WWOX: variants seen among roughly 807,000 people sequenced by gnomAD.
The protein encoded by WWOX is WW domain containing oxidoreductase.
A neutral mutation model predicts 46.2 loss-of-function variants in WWOX; 69 were observed. The observed-to-expected ratio is 1.49, with a 90% CI of 1.23 to 1.82. The LOEUF (loss-of-function observed/expected upper bound fraction) is 1.82. WWOX is among the 40% of genes most tolerant of loss of function. WWOX has a pLI of 0.00. For missense variants in WWOX, 919 were observed against 542.6 expected, an observed-to-expected ratio of 1.69 and a Z score of -6.89; for synonymous variants, 359 against 202.6, an observed-to-expected ratio of 1.77 and a Z score of -6.56.
chr16:78,747,688 A>G (rs957281731), intron 8 of WWOX, among the ~76,000 whole-genome samples: 2 of 152,016 alleles, frequency 1.3e-5, no homozygotes, highest in South Asian at 2.1e-4. Context: ...TATGTATACA[A>G]TTGTTTCCTC....
intron 8 of WWOX, among the ~76,000 whole-genome samples, chr16:78,737,380 G>A (rs1411905754): frequency 4.6e-5 from 7 of 151,666 alleles, no homozygotes; most frequent in Admixed American, 2.6e-4. Context: ...AGAATGATCC[G>A]CCTGCCTCAG....
chr16:78,361,309 C>G (rs1262400269), intron 5 of WWOX, among the ~76,000 whole-genome samples: 1 of 152,126 alleles, frequency 6.6e-6, no homozygotes, highest in African/African-American at 2.4e-5. Context: ...TCTGTCTCAT[C>G]CCTGGTAATG....
chr16:78,782,085 G>C (rs771471463), intron 8 of WWOX, among the ~76,000 whole-genome samples: 119 of 152,256 alleles, frequency 7.8e-4, no homozygotes, highest in African/African-American at 2.7e-3. Context: ...GGGAGAAATA[G>C]ATGAAGCTGT....
At chr16:78,816,220 C>G (rs1263625692) in intron 8 of WWOX, among the ~76,000 whole-genome samples, 1 of 152,170 alleles carries the variant, frequency 6.6e-6, no homozygotes, top group South Asian at 2.1e-4. Flanking sequence ...ATTTGGGACG[C>G]TGGATAGGAC....
intron 4 of WWOX, among the ~76,000 whole-genome samples, chr16:78,138,262 CTT>C (rs2033868568): frequency 3.3e-5 from 5 of 150,968 alleles, no homozygotes; most frequent in African/African-American, 4.9e-5. Context: ...TGACTTACCT[CTT>C]TTTAGTTTAA....
chr16:79,061,141 T>C (rs984363710), intron 8 of WWOX, among the ~76,000 whole-genome samples: 6 of 152,142 alleles, frequency 3.9e-5, no homozygotes, highest in Non-Finnish European at 8.8e-5. Flanking sequence ...CTCAATCCTT[T>C]ATGTTGAGGG....
intron 8 of WWOX, among the ~76,000 whole-genome samples, chr16:78,729,719 A>G (rs991574522): frequency 6.6e-6 from 1 of 152,144 alleles, no homozygotes; most frequent in African/African-American, 2.4e-5. Context: ...GTTTGTGGTA[A>G]TTTGTTACAG....
chr16:79,141,292 T>C (rs2050084601), intron 8 of WWOX, among the ~76,000 whole-genome samples: 1 of 152,222 alleles, frequency 6.6e-6, no homozygotes, highest in Non-Finnish European at 1.5e-5. Flanking sequence ...CGAACGAGTG[T>C]TCATCTTGCA....
chr16:78,476,603 A>G (rs937540049), intron 8 of WWOX, among the ~76,000 whole-genome samples: 9 of 98,490 alleles, frequency 9.1e-5, no homozygotes, highest in African/African-American at 3.9e-4. Flanking sequence ...CTGAAAATAT[A>G]ATAAAAAATA....
At chr16:79,118,658 A>G (rs1043211266) in intron 8 of WWOX, among the ~76,000 whole-genome samples, 21 of 152,372 alleles carry the variant, frequency 1.4e-4, no homozygotes, top group African/African-American at 5.0e-4. Context: ...TTTAAAAAGA[A>G]GGAAGAAAAT....
intron 8 of WWOX, among the ~76,000 whole-genome samples, chr16:78,695,051 A>T (rs547767947): frequency 6.6e-6 from 1 of 152,308 alleles, no homozygotes; most frequent in Non-Finnish European, 1.5e-5. Context: ...CTCTTCCAAT[A>T]TGAAGCAAAA....
intron 8 of WWOX, among the ~76,000 whole-genome samples, chr16:78,977,419 C>T (rs773158067): frequency 2.0e-5 from 3 of 152,096 alleles, no homozygotes; most frequent in Non-Finnish European, 2.9e-5. Flanking sequence ...TTATTCTGTC[C>T]TCGCCCCACA....
chr16:78,313,924 G>A (rs1332082832), intron 5 of WWOX, among the ~76,000 whole-genome samples: 2 of 152,138 alleles, frequency 1.3e-5, no homozygotes, highest in African/African-American at 2.4e-5. Flanking sequence ...TTTGTCCCCA[G>A]TGACACTTCC....
intron 8 of WWOX, among the ~76,000 whole-genome samples, chr16:78,969,514 A>C (rs190890941): frequency 0.026 from 3,945 of 151,962 alleles, 157 homozygotes; most frequent in African/African-American, 0.089. Flanking sequence ...CAAGTGATCC[A>C]ACCGCCTCAG....
chr16:79,079,909 C>T (rs771569667), intron 8 of WWOX, among the ~76,000 whole-genome samples: 12 of 151,954 alleles, frequency 7.9e-5, no homozygotes, highest in Non-Finnish European at 1.5e-4. Context: ...TGAAAATAAG[C>T]GGAAAGATCC....
At chr16:78,151,025 A>G (rs553189458) in intron 4 of WWOX, among the ~76,000 whole-genome samples, 2 of 146,850 alleles carry the variant, frequency 1.4e-5, no homozygotes, top group Non-Finnish European at 3.0e-5. Context: ...CTGCAGGTGC[A>G]TGGCACTGTG....
At chr16:78,813,007 A>G (rs2051230851) in intron 8 of WWOX, among the ~76,000 whole-genome samples, 1 of 152,116 alleles carries the variant, frequency 6.6e-6, no homozygotes. Flanking sequence ...TAGGGAATCT[A>G]CCTTAATAGG....
chr16:78,774,496 T>TTGTGTGTGTGTGTGTG (rs58003207), intron 8 of WWOX, among the ~76,000 whole-genome samples: 4 of 149,424 alleles, frequency 2.7e-5, no homozygotes, highest in African/African-American at 7.4e-5. Context: ...CAGACCCATT[T>TTGTGTGTGTGTGTGTG]TGTGTGTGTG....
chr16:78,466,811 G>C (rs2084089232), intron 8 of WWOX, among the ~76,000 whole-genome samples: 1 of 152,098 alleles, frequency 6.6e-6, no homozygotes, highest in Non-Finnish European at 1.5e-5. Flanking sequence ...TCTCACCTCT[G>C]CACTCCAGCG....
Sources: gnomAD v4.1 joint callset for allele counts (sites outside exome capture counted in the v4.1 genomes callset) on GRCh38, gnomAD v4.1.1 for gene constraint, MANE v1.5 for transcripts, NCBI Gene and HGNC (gene_info 2026-07-23, HGNC 2026-07-21) for gene names.